Variants in SCARF2 observed in about 807,000 individuals in gnomAD.
The protein encoded by SCARF2 is scavenger receptor class F member 2, also known as scavenger receptor expressed by endothelial cells 2 protein.
In SCARF2, 39 loss-of-function variants were observed where a neutral mutation model predicts 73.4. The observed-to-expected ratio is 0.53, with a 90% CI of 0.41 to 0.69. The LOEUF (loss-of-function observed/expected upper bound fraction) is 0.69, where lower values mean the gene tolerates loss of function less well. SCARF2 is among the 30% of genes least tolerant of loss of function. The pLI is 0.00. For synonymous variants in SCARF2, 605 were observed against 590.0 expected (o/e 1.03, Z -0.37); for missense variants, 1,148 against 1,303.5 (o/e 0.88, Z 1.84).
In SCARF2 at chr22:20,426,073, G is replaced by A. The variant is rs1340590606; in HGVS notation, c.1903C>T (p.Arg635Trp). 2.0e-6 allele frequency: 3 copies of A among 1,537,156 alleles called. No individual in the cohort carries two copies. The highest frequency in any genetic ancestry group is 1.2e-5 in the South Asian group (1 of 83,616). ...AGGCCCCCAATCTCGCCCCGGGCCC[G>A]GGCCGGCCGGGCCTCGCGTCGGGCC... is the stretch of plus-strand genomic sequence containing the variant. ...RVARREARPA[R>W]ARGEIGGLSL... Residue 635 changes from arginine to tryptophan, a missense_variant, in exon 11 of 11, where the codon CGG (arginine) becomes TGG (tryptophan). Physicochemically the swap from Arg to Trp is moderately radical, Grantham distance 101 (BLOSUM62 -3). Coordinates refer to ENST00000622235, the MANE Select transcript of SCARF2 (RefSeq NM_182895.5).
chr22:20,429,468 C>G lies in SCARF2; in HGVS notation c.1424+68G>C. 1 of 1,592,990 alleles carries G rather than the reference C, an allele frequency of 6.3e-7. No homozygotes were observed. Among genetic ancestry groups the G allele is most frequent in the Non-Finnish European group, 8.5e-7 (1 of 1,171,872 alleles). Reference sequence around the variant, plus strand: ...GGGCAGGGGCGCGGAAGGGTTGGATCTGGGTCCGGTGGCACCCAGAGGGTG... The same window carrying G: ...GGGCAGGGGCGCGGAAGGGTTGGATGTGGGTCCGGTGGCACCCAGAGGGTG... On this transcript the variant is annotated intron_variant, in intron 8 of 10. Coordinates refer to ENST00000622235, the MANE Select transcript of SCARF2 (RefSeq NM_182895.5). This position sits in a 1 kb window ranked among gnomAD's most constrained non-coding sequence, Gnocchi z 5.2.
In SCARF2 at chr22:20,425,488, C is replaced by T. The variant is rs749349489; in HGVS notation, c.2488G>A (p.Asp830Asn). 42 of 1,365,498 alleles carry T rather than the reference C, an allele frequency of 3.1e-5. No homozygotes were observed. In the South Asian group the frequency reaches 6.7e-4, roughly 22 times the overall value. The allele number at this position is 1,365,498 out of a possible 1,614,324, so 84.6% of individuals were successfully genotyped here. A position where few individuals can be genotyped will look rare whatever the true frequency, so the allele number is the denominator to read the frequency against. The change falls in exon 11 of 11, where the codon GAC becomes AAC. Residue 830 changes from aspartate (D) to asparagine (N), a missense_variant. This residue lies in a region of SCARF2 where 169 missense variants were observed against 136.9 expected (regional missense o/e 1.23). Coordinates refer to ENST00000622235, the MANE Select transcript of SCARF2 (RefSeq NM_182895.5). This position sits in a 1 kb window ranked among gnomAD's most constrained non-coding sequence, Gnocchi z 4.6. ...CGGGGGGTCTCAGGCGCGGGCAAGTCGGTCGCCGCCTTCTCAGGCCCCGGG... is the reference window on the plus strand; with the variant it reads ...CGGGGGGTCTCAGGCGCGGGCAAGTTGGTCGCCGCCTTCTCAGGCCCCGGG... ...ETPGPEKAAT[D>N]LPAPETPRKK...
In SCARF2 at chr22:20,424,967, G is replaced by T. The variant is rs1310979682; in HGVS notation, c.*408C>A. 1.8e-5 allele frequency: 3 copies of T among 169,668 alleles called. No homozygotes were observed. Among genetic ancestry groups the T allele is most frequent in the Non-Finnish European group, 3.8e-5 (3 of 79,974 alleles). 10.5% of individuals were successfully genotyped at this position (169,668 alleles called of 1,614,324 possible). A position where few individuals can be genotyped will look rare whatever the true frequency, so the allele number is the denominator to read the frequency against. On this transcript the variant is annotated 3_prime_UTR_variant, in exon 11 of 11. Coordinates refer to ENST00000622235, the MANE Select transcript of SCARF2 (RefSeq NM_182895.5). ...CTCCAGCCAGAGGCACCAGGCCCTAGCGGGGGAGAGGCAGCCCGGGCAGAA... is the reference window on the plus strand; with the variant it reads ...CTCCAGCCAGAGGCACCAGGCCCTATCGGGGGAGAGGCAGCCCGGGCAGAA...
intron 1 of SCARF2, among the ~76,000 whole-genome samples, chr22:20,437,015 C>T (rs1054187577): frequency 1.3e-5 from 2 of 152,194 alleles, no homozygotes; most frequent in African/African-American, 2.4e-5. Context: ...AGTCCTTCCG[C>T]CTCCCGCTTC....
At chr22:20,434,797 A>C (rs919615273) in intron 1 of SCARF2, among the ~76,000 whole-genome samples, 1 of 152,168 alleles carries the variant, frequency 6.6e-6, no homozygotes, top group Non-Finnish European at 1.5e-5. Context: ...TACATCTTCA[A>C]GTTGGCTCAT....
chr22:20,434,644 G>A (rs1338832263), intron 1 of SCARF2, among the ~76,000 whole-genome samples: 1 of 152,240 alleles, frequency 6.6e-6, no homozygotes, highest in African/African-American at 2.4e-5. Flanking sequence ...CTGCAGGGCT[G>A]CTCCCACGCT....
Position 20,426,032 on chromosome 22 carries a change from C to T in SCARF2, c.1944G>A (p.Ser648=). ...GTGGCGGCGGTTTCCTGCGCTCGGG[C>T]GATGGCGACAGCGACAGGCCCCCAA... ...GEIGGLSLSP[S]PERRKPPPPD... Residue 648 remains serine, a synonymous_variant, in exon 11 of 11, where the codon TCG becomes TCA. Transcript: ENST00000622235. 6.3e-7 allele frequency: 1 copy of T among 1,578,312 alleles called. No homozygotes were observed. Among genetic ancestry groups the T allele is most frequent in the South Asian group, 1.1e-5 (1 of 88,386 alleles).
At position 20,426,069 on chromosome 22, in the gene SCARF2, G is replaced by T; in HGVS notation, c.1907C>A (p.Ala636Asp). The stretch of plus-strand genomic sequence containing the variant: ...CGACAGGCCCCCAATCTCGCCCCGG[G>T]CCCGGGCCGGCCGGGCCTCGCGTCG... Reference protein sequence around the residue: ...VARREARPARARGEIGGLSLS... With the variant: ...VARREARPARDRGEIGGLSLS... Residue 636 changes from alanine (A) to aspartate (D), a missense_variant, in exon 11 of 11, where the codon GCC becomes GAC. Ala to Asp is a moderately radical substitution (Grantham distance 126, BLOSUM62 -2). Around this residue, in one of 5 missense-constraint regions of SCARF2, gnomAD observed 437 missense variants for 433.6 expected, o/e 1.01. Coordinates refer to ENST00000622235, the MANE Select transcript of SCARF2 (RefSeq NM_182895.5). The T allele has an allele frequency of 6.5e-7, 1 of 1,545,492 alleles. No individual in the cohort carries two copies. Among genetic ancestry groups the T allele is most frequent in the Non-Finnish European group, 8.6e-7 (1 of 1,156,870 alleles).
At chr22:20,428,210 TCCTCCCTCCCTC>T (rs3072077) in intron 9 of SCARF2, among the ~76,000 whole-genome samples, 27 of 142,778 alleles carry the variant, frequency 1.9e-4, no homozygotes, top group South Asian at 1.7e-3. Context: ...TTGGGGTTTC[TCCTCCCTCCCTC>T]CCTCCCTCCC....
chr22:20,429,921 G>A lies in SCARF2; in HGVS notation c.1203-88C>T. On this transcript the variant is annotated intron_variant, in intron 6 of 10. Transcript: ENST00000622235. The surrounding 1 kb of genome is among the most constrained non-coding windows in gnomAD (Gnocchi z 5.2). Reference sequence around the variant, plus strand: ...CCCTCACCCGCGGCCAGGGCCCAGGGTCCAGGGTCCCAGAACCGGGCTCTC... The same window carrying A: ...CCCTCACCCGCGGCCAGGGCCCAGGATCCAGGGTCCCAGAACCGGGCTCTC... The A allele has an allele frequency of 7.5e-7, 1 of 1,337,002 alleles. No individual in the cohort carries two copies. The highest frequency in any genetic ancestry group is 1.0e-6 in the Non-Finnish European group (1 of 964,390). 82.8% of individuals were successfully genotyped at this position (1,337,002 alleles called of 1,614,324 possible).
At position 20,425,389 on chromosome 22, in the gene SCARF2, C is replaced by T. The variant is rs1205842915; in HGVS notation, c.2587G>A (p.Ala863Thr). 24 of 1,425,408 alleles carry T rather than the reference C, an allele frequency of 1.7e-5. No homozygotes were observed. The highest frequency in any genetic ancestry group is 1.5e-4 in the Admixed American group (6 of 40,582). 88.3% of individuals were successfully genotyped at this position (1,425,408 alleles called of 1,614,324 possible). ...GCCACAGCCTGCTACAGGGTGGGTGCGCCCGCCCTGCCCAGCTCGCCCGCC... is the reference window on the plus strand; with the variant it reads ...GCCACAGCCTGCTACAGGGTGGGTGTGCCCGCCCTGCCCAGCTCGCCCGCC... ...EAAGELGRAG[A>T]PTL Residue 863 changes from alanine to threonine, a missense_variant, in exon 11 of 11, where the codon GCA becomes ACA. This residue lies in a region of SCARF2 where 169 missense variants were observed against 136.9 expected (regional missense o/e 1.23). Transcript: ENST00000622235. The surrounding 1 kb of genome is among the most constrained non-coding windows in gnomAD (Gnocchi z 4.6).
intron 1 of SCARF2, among the ~76,000 whole-genome samples, chr22:20,433,989 C>A (rs1205764740): frequency 6.6e-6 from 1 of 152,222 alleles, no homozygotes; most frequent in Non-Finnish European, 1.5e-5. Flanking sequence ...GTGGCTAGGA[C>A]CCTCGTTTTA....
rs539147510 is a variant in SCARF2, at chr22:20,435,633, C to T, written c.173+1949G>A. Among the ~76,000 whole-genome samples, 4 of 152,286 alleles carry T rather than the reference C, an allele frequency of 2.6e-5. No homozygotes were observed. In the South Asian group the frequency reaches 8.3e-4, roughly 32 times the overall value. The stretch of plus-strand genomic sequence containing the variant: ...TCCACAGGCCCTCTGCCTTGGGAAC[C>T]TTGCCCCAGACACCCACAGGGCCTC... On this transcript the variant is annotated intron_variant, in intron 1 of 10. Coordinates refer to ENST00000622235, the MANE Select transcript of SCARF2 (RefSeq NM_182895.5).
At chr22:20,430,973 C>T in intron 4 of SCARF2, 45 bp downstream of exon 4, 1 of 1,565,258 alleles carries the variant, frequency 6.4e-7, no homozygotes, top group Non-Finnish European at 8.6e-7. Flanking sequence ...CATCGGCGGC[C>T]CGCCCTTCCA....
At chr22:20,436,586 G>A in intron 1 of SCARF2, among the ~76,000 whole-genome samples, 1 of 151,940 alleles carries the variant, frequency 6.6e-6, no homozygotes, top group East Asian at 1.9e-4. Context: ...CTCTGGCGCC[G>A]AGCCCCTGGA....
At chr22:20,437,426 G>C (rs1341637521) in intron 1 of SCARF2, among the ~76,000 whole-genome samples, 156 bp downstream of exon 1, 2 of 152,224 alleles carry the variant, frequency 1.3e-5, no homozygotes, top group African/African-American at 4.8e-5. Context: ...CCATGGCCGA[G>C]GCTGGGCCTG....
In SCARF2 at chr22:20,429,495, G is replaced by A; in HGVS notation, c.1424+41C>T. 12 of 1,607,178 alleles carry A rather than the reference G, an allele frequency of 7.5e-6. No individual in the cohort carries two copies. The highest frequency in any genetic ancestry group is 9.3e-6 in the Non-Finnish European group (11 of 1,178,172). Reference sequence around the variant, plus strand: ...GGGTCCGGTGGCACCCAGAGGGTGCGGCCTGAACCCAGGCGAAAGCGGGGC... The same window carrying A: ...GGGTCCGGTGGCACCCAGAGGGTGCAGCCTGAACCCAGGCGAAAGCGGGGC... On this transcript the variant is annotated intron_variant, in intron 8 of 10. Coordinates refer to ENST00000622235, the MANE Select transcript of SCARF2 (RefSeq NM_182895.5). The surrounding 1 kb of genome is among the most constrained non-coding windows in gnomAD (Gnocchi z 5.2).
chr22:20,437,807 G>C lies in SCARF2; in HGVS notation c.-53C>G, dbSNP rs1485139234. 1.3e-6 allele frequency: 1 copy of C among 769,958 alleles called. No homozygotes were observed. The allele number at this position is 769,958 out of a possible 1,614,324, so 47.7% of individuals were successfully genotyped here. ...ACGGGCGCGGGTGCGGCCGCAGCGA[G>C]AGCGGCCGGAAGCGGAGTGCGAGGC... On this transcript the variant is annotated 5_prime_UTR_variant, in exon 1 of 11. Coordinates refer to ENST00000622235, the MANE Select transcript of SCARF2 (RefSeq NM_182895.5).
In SCARF2 at chr22:20,431,754, A is replaced by T; in HGVS notation, c.325T>A (p.Cys109Ser). Residue 109 changes from cysteine to serine, a missense_variant, in exon 3 of 11, where the codon TGC becomes AGC. This residue lies in a region of SCARF2 where 372 missense variants were observed against 532.0 expected (regional missense o/e 0.70). Coordinates refer to ENST00000622235, the MANE Select transcript of SCARF2 (RefSeq NM_182895.5). The part of the protein sequence containing the change: ...RCRHGYFGAN[C>S]DTKCPRQFWG... ...CCGACCCCACGCTCACTGGTGTCGC[A>T]GTTGGCACCGAAGTAGCCGTGGCGG... The T allele has an allele frequency of 6.4e-7, 1 of 1,557,456 alleles. No homozygotes were observed. Among genetic ancestry groups the T allele is most frequent in the Non-Finnish European group, 8.7e-7 (1 of 1,152,412 alleles).
Sources: allele counts gnomAD v4.1 joint callset (sites outside exome capture counted in the v4.1 genomes callset), GRCh38; gene constraint gnomAD v4.1.1; regional missense constraint gnomAD v4.1.1; non-coding constraint Gnocchi (gnomAD v3.1); transcripts MANE v1.5; gene names NCBI Gene and HGNC (gene_info 2026-07-23, HGNC 2026-07-21).